GPALPP1: variants seen among roughly 807,000 people sequenced by gnomAD.
GPALPP1 encodes GPALPP motifs containing 1.
GPALPP1 carries 30 observed loss-of-function variants against 38.9 expected under a neutral mutation model. That is an observed-to-expected ratio of 0.77 (90% CI 0.58 to 1.05). The LOEUF (loss-of-function observed/expected upper bound fraction) is 1.05, where lower values mean the gene tolerates loss of function less well. Among genes scored for constraint, GPALPP1 ranks in the 50% least tolerant of loss-of-function variants. The probability of loss-of-function intolerance (pLI) is 0.00; values close to 1 mark genes in which losing one functional copy is unlikely to be tolerated. For missense variants in GPALPP1, 384 were observed against 408.8 expected, an observed-to-expected ratio of 0.94 and a Z score of 0.52; for synonymous variants, 120 against 139.2, an observed-to-expected ratio of 0.86 and a Z score of 0.97.
At chr13:45,002,789 A>G (rs1159303794) in intron 1 of GPALPP1, among the ~76,000 whole-genome samples, 1 of 152,186 alleles carries the variant, frequency 6.6e-6, no homozygotes, top group Non-Finnish European at 1.5e-5. Flanking sequence ...TTCTTTAGCC[A>G]CACTGGCCTT....
Position 45,028,158 on chromosome 13 carries a change from C to T in GPALPP1, c.*155C>T, listed in dbSNP as rs1485030084. ...AAGTAAACAGTGATTTTTGAAAAGT[C>T]AGCCTTGTGGGATGAAAAATATGTC... is the stretch of plus-strand genomic sequence containing the variant. On this transcript the variant is annotated 3_prime_UTR_variant, in exon 8 of 8. Coordinates refer to ENST00000379151, the MANE Select transcript of GPALPP1 (RefSeq NM_018559.5). 6 of 418,272 alleles carry T rather than the reference C, an allele frequency of 1.4e-5. No homozygotes were observed. The highest frequency in any genetic ancestry group is 5.2e-5 in the South Asian group (1 of 19,220). The allele number at this position is 418,272 out of a possible 1,614,324, so 25.9% of individuals were successfully genotyped here.
intron 7 of GPALPP1, among the ~76,000 whole-genome samples, chr13:45,024,996 G>A (rs962884242): frequency 3.9e-5 from 6 of 152,148 alleles, no homozygotes; most frequent in Admixed American, 6.5e-5. Flanking sequence ...TTGGATGAAT[G>A]TTACTTATTG....
At chr13:45,008,770 G>T in intron 3 of GPALPP1, 25 bp from the exon 4 acceptor site, 1 of 1,245,330 alleles carries the variant, frequency 8.0e-7, no homozygotes, top group South Asian at 1.2e-5. Flanking sequence ...CAGGGAGAAT[G>T]ATAAAAGTAC....
At chr13:45,025,374 AT>A (rs951578664) in intron 7 of GPALPP1, among the ~76,000 whole-genome samples, 2 of 151,930 alleles carry the variant, frequency 1.3e-5, no homozygotes, top group African/African-American at 4.8e-5. Context: ...ATCTCCTTTG[AT>A]TTTTTTTCCA....
At chr13:45,013,810 C>T (rs1874644005) in intron 4 of GPALPP1, among the ~76,000 whole-genome samples, 1 of 152,018 alleles carries the variant, frequency 6.6e-6, no homozygotes, top group Non-Finnish European at 1.5e-5. Flanking sequence ...CAAAGTCAGC[C>T]CAAAGTATAA....
intron 5 of GPALPP1, 129 bp downstream of exon 5, chr13:45,015,212 G>A: frequency 1.6e-6 from 1 of 633,254 alleles, no homozygotes; most frequent in South Asian, 4.0e-5. Flanking sequence ...AAATTTAGGA[G>A]TTAGAACCCA....
chr13:44,999,132 C>T (rs1336191735), intron 1 of GPALPP1, among the ~76,000 whole-genome samples: 2 of 152,164 alleles, frequency 1.3e-5, no homozygotes, highest in African/African-American at 4.8e-5. Flanking sequence ...ATGAGAAGAA[C>T]AGAATTGGTT....
intron 6 of GPALPP1, among the ~76,000 whole-genome samples, chr13:45,016,600 A>G (rs1159091708): frequency 6.6e-6 from 1 of 152,084 alleles, no homozygotes; most frequent in Non-Finnish European, 1.5e-5. Context: ...CTTCAATTTA[A>G]TCCATCTGTG....
chr13:45,005,609 C>T (rs1874031780), intron 2 of GPALPP1, among the ~76,000 whole-genome samples: 1 of 152,140 alleles, frequency 6.6e-6, no homozygotes, highest in African/African-American at 2.4e-5. Flanking sequence ...GACTTTGAAA[C>T]TGCATTGAGG....
At chr13:44,992,093 C>T (rs1308735667) in intron 1 of GPALPP1, among the ~76,000 whole-genome samples, 1 of 152,186 alleles carries the variant, frequency 6.6e-6, no homozygotes, top group Non-Finnish European at 1.5e-5. Context: ...ATGGTAGATA[C>T]TCCCAGCTTC....
chr13:45,016,720 A>G (rs1423547837), intron 6 of GPALPP1, among the ~76,000 whole-genome samples: 1 of 152,194 alleles, frequency 6.6e-6, no homozygotes, highest in Non-Finnish European at 1.5e-5. Flanking sequence ...AGCTCACTGC[A>G]GTCTCAAAGG....
At chr13:45,026,378 TGA>T (rs1206868274) in intron 7 of GPALPP1, among the ~76,000 whole-genome samples, 3 of 152,228 alleles carry the variant, frequency 2.0e-5, no homozygotes, top group Admixed American at 2.0e-4. Context: ...ATAATCTAAT[TGA>T]CAAAGTCATT....
chr13:44,998,821 A>C (rs978052491), intron 1 of GPALPP1, among the ~76,000 whole-genome samples: 1 of 152,220 alleles, frequency 6.6e-6, no homozygotes, highest in Admixed American at 6.5e-5. Flanking sequence ...TTGACCCTGT[A>C]GATCTGCAGG....
chr13:44,999,200 A>G (rs1241421958), intron 1 of GPALPP1, among the ~76,000 whole-genome samples: 1 of 152,160 alleles, frequency 6.6e-6, no homozygotes, highest in African/African-American at 2.4e-5. Flanking sequence ...AGTCATCAGA[A>G]TCAGTTGTGG....
chr13:44,994,307 G>A (rs1380409838), intron 1 of GPALPP1, among the ~76,000 whole-genome samples: 1 of 151,978 alleles, frequency 6.6e-6, no homozygotes, highest in African/African-American at 2.4e-5. Context: ...TCGCGGCCGG[G>A]CACGGTGGCT....
rs568783366 is a variant in GPALPP1, at chr13:45,016,178, C to T, written c.705+582C>T. On this transcript the variant is annotated intron_variant, in intron 6 of 7. Coordinates refer to ENST00000379151, the MANE Select transcript of GPALPP1 (RefSeq NM_018559.5). ...AGTTATCCAAAAAATACCAGCCGGCCGCAGTGGCTCATGCCTGTAATCCCA... is the reference window on the plus strand; with the variant it reads ...AGTTATCCAAAAAATACCAGCCGGCTGCAGTGGCTCATGCCTGTAATCCCA... Among the ~76,000 whole-genome samples, 8 of 152,272 alleles carry T rather than the reference C, an allele frequency of 5.3e-5. No individual in the cohort carries two copies. In the South Asian group the frequency reaches 1.2e-3, roughly 24 times the overall value.
At chr13:45,002,443 C>T (rs1002179626) in intron 1 of GPALPP1, 4 of 151,900 alleles carry the variant, frequency 2.6e-5, no homozygotes, top group African/African-American at 9.7e-5. Context: ...TGAGATCTCG[C>T]CTCTTAGGGA....
chr13:45,013,989 G>A (rs981126957), intron 4 of GPALPP1, among the ~76,000 whole-genome samples: 1 of 152,098 alleles, frequency 6.6e-6, no homozygotes, highest in Admixed American at 6.6e-5. Flanking sequence ...CTAATTTTCT[G>A]TTTGCTTCTC....
intron 7 of GPALPP1, among the ~76,000 whole-genome samples, chr13:45,023,645 T>A (rs1566084199): frequency 6.6e-6 from 1 of 152,228 alleles, no homozygotes; most frequent in East Asian, 1.9e-4. Flanking sequence ...TTCTCTATTT[T>A]CTCCAGGTCT....
Sources: gnomAD v4.1 joint callset for allele counts (sites outside exome capture counted in the v4.1 genomes callset) on GRCh38, gnomAD v4.1.1 for gene constraint, MANE v1.5 for transcripts, NCBI Gene and HGNC (gene_info 2026-07-23, HGNC 2026-07-21) for gene names.